The following CEP68 variants were observed in gnomAD, a reference collection of about 807,000 sequenced individuals.
CEP68 encodes centrosomal protein 68.
In CEP68, 26 loss-of-function variants were observed where a neutral mutation model predicts 55.3. That is an observed-to-expected ratio of 0.47 (90% CI 0.34 to 0.65). The LOEUF (loss-of-function observed/expected upper bound fraction) is 0.65, where lower values mean the gene tolerates loss of function less well. CEP68 is among the 30% of genes least tolerant of loss of function. CEP68 has a pLI of 0.01. For synonymous variants in CEP68, 402 were observed against 383.2 expected (o/e 1.05, Z -0.57); for missense variants, 957 against 946.7 (o/e 1.01, Z -0.14).
At chr2:65,071,049 G>T in intron 2 of CEP68, 1 of 221,244 alleles carries the variant, frequency 4.5e-6, no homozygotes, top group Non-Finnish European at 9.1e-6. Context: ...AGCAGGATGG[G>T]GTCTGGGGCG....
intron 2 of CEP68, chr2:65,071,244 G>C: frequency 1.7e-6 from 1 of 584,168 alleles, no homozygotes; most frequent in Non-Finnish European, 3.0e-6. Context: ...ACTGGAGATG[G>C]GAGTCATCTT....
At position 65,072,480 on chromosome 2, in the gene CEP68, C is replaced by T. The variant is rs35694840; in HGVS notation, c.1384C>T (p.Arg462Cys). The change falls in exon 3 of 7, where the codon CGC (arginine) becomes TGC (cysteine). Residue 462 changes from arginine to cysteine, a missense_variant. Transcript: ENST00000377990. ...GAAGAGGACCAGCCAGAGTGCCCGG[C>T]GCCCTACCTGCACAGAGTCTAGGTG... ...REKRTSQSAR[R>C]PTCTESRWKS... The T allele has an allele frequency of 1.2e-3, 1,933 of 1,614,018 alleles. 19 individuals are homozygous for T. In the African/African-American group the frequency reaches 0.022, roughly 19 times the overall value.
intron 1 of CEP68, among the ~76,000 whole-genome samples, chr2:65,056,850 CG>C (rs1333654459): frequency 3.7e-4 from 56 of 152,236 alleles, no homozygotes; most frequent in South Asian, 1.2e-3. Context: ...CGCGAGTCCG[CG>C]CATCTGGCGG....
At chr2:65,058,890 A>G (rs538927488) in intron 1 of CEP68, among the ~76,000 whole-genome samples, 1 of 152,106 alleles carries the variant, frequency 6.6e-6, no homozygotes, top group African/African-American at 2.4e-5. Flanking sequence ...TTATCTGTTT[A>G]TGTGTCTGGA....
rs1010034869 is a variant in CEP68 at position 65,072,211 on chromosome 2, A to G, written c.1115A>G (p.Glu372Gly). The change falls in exon 3 of 7, where the codon GAG becomes GGG. Residue 372 changes from glutamate (E) to glycine (G), a missense_variant. By Grantham distance (98) the Glu-to-Gly change is moderately conservative. Transcript: ENST00000377990. ...GCCCTGCCATTTTCTGGGCCCAGAGAGCCAAGCCTTAAGCAGTGGCCCTCC... is the reference window on the plus strand; with the variant it reads ...GCCCTGCCATTTTCTGGGCCCAGAGGGCCAAGCCTTAAGCAGTGGCCCTCC... ...ATALPFSGPR[E>G]PSLKQWPSRV... The G allele has an allele frequency of 1.2e-6, 2 of 1,613,896 alleles. No individual in the cohort carries two copies. Among genetic ancestry groups the G allele is most frequent in the Non-Finnish European group, 1.7e-6 (2 of 1,180,006 alleles).
intron 1 of CEP68, among the ~76,000 whole-genome samples, chr2:65,069,078 A>C (rs559883946): frequency 3.3e-4 from 51 of 152,278 alleles, no homozygotes; most frequent in African/African-American, 1.2e-3. Context: ...GGGTTGGGCT[A>C]AAAGGGCAAA....
chr2:65,059,055 A>G (rs183527714), intron 1 of CEP68, among the ~76,000 whole-genome samples: 4 of 152,290 alleles, frequency 2.6e-5, no homozygotes, highest in African/African-American at 9.6e-5. Flanking sequence ...TGGCTGACAA[A>G]AAATCTTTAC....
chr2:65,064,544 C>T (rs1286950842), intron 1 of CEP68, among the ~76,000 whole-genome samples: 1 of 152,062 alleles, frequency 6.6e-6, no homozygotes, highest in Non-Finnish European at 1.5e-5. Context: ...ACCATCCTGG[C>T]TAATGTGGTG....
intron 5 of CEP68, among the ~76,000 whole-genome samples, chr2:65,081,959 A>G (rs2103803804): frequency 6.6e-6 from 1 of 152,268 alleles, no homozygotes; most frequent in South Asian, 2.1e-4. Context: ...GGCCTCCCAA[A>G]GTGTTGTTGG....
rs1192403992 is a variant in CEP68 at position 65,084,507 on chromosome 2, C to T, written c.*873C>T. ...ATTCTTCGTTGCTTTGGCATTGACA[C>T]ATAAGTACTTTGATTAAAAAAAAAA... On this transcript the variant is annotated 3_prime_UTR_variant, in exon 7 of 7. Transcript: ENST00000377990. 1 of 132,156 alleles carries T rather than the reference C, an allele frequency of 7.6e-6. No homozygotes were observed. Among genetic ancestry groups the T allele is most frequent in the African/African-American group, 2.8e-5 (1 of 35,718 alleles). The allele number at this position is 132,156 out of a possible 1,614,324, so 8.2% of individuals were successfully genotyped here. A position where few individuals can be genotyped will look rare whatever the true frequency, so the allele number is the denominator to read the frequency against.
Position 65,082,698 on chromosome 2 carries a change from G to A in CEP68, c.2267G>A (p.Gly756Glu). The change falls in exon 6 of 7, where the codon GGG becomes GAG. Residue 756 changes from glycine (G) to glutamate (E), a missense_variant. Transcript: ENST00000377990. ...PMAAMEHPCE[G>E]V ...GCGGCAATGGAGCACCCATGTGAAG[G>A]GGTTTAACCTGGTAAGTGGAGGAAC... 6.4e-7 allele frequency: 1 copy of A among 1,570,524 alleles called. No homozygotes were observed. Among genetic ancestry groups the A allele is most frequent in the Non-Finnish European group, 8.6e-7 (1 of 1,165,670 alleles).
chr2:65,064,243 C>T (rs1676045705), intron 1 of CEP68, among the ~76,000 whole-genome samples: 1 of 152,164 alleles, frequency 6.6e-6, no homozygotes, highest in Non-Finnish European at 1.5e-5. Flanking sequence ...CCCTATCTCT[C>T]CAGGCTAAAT....
chr2:65,065,942 C>T (rs568166907), intron 1 of CEP68, among the ~76,000 whole-genome samples: 133 of 148,876 alleles, frequency 8.9e-4, no homozygotes, highest in African/African-American at 3.2e-3. Flanking sequence ...GGTGACAAAC[C>T]GAGACTTCAT....
At chr2:65,068,761 G>A (rs968789680) in intron 1 of CEP68, among the ~76,000 whole-genome samples, 2 of 152,134 alleles carry the variant, frequency 1.3e-5, no homozygotes, top group African/African-American at 2.4e-5. Context: ...CAGGGAGGTC[G>A]AGGCTGCAGT....
At chr2:65,081,163 A>C (rs1250956320) in intron 5 of CEP68, among the ~76,000 whole-genome samples, 3 of 151,122 alleles carry the variant, frequency 2.0e-5, no homozygotes, top group Non-Finnish European at 2.9e-5. Context: ...GTGAGCCGAG[A>C]TTTGTGCCGC....
intron 5 of CEP68, among the ~76,000 whole-genome samples, chr2:65,081,281 C>T (rs1677003777): frequency 6.6e-6 from 1 of 152,044 alleles, no homozygotes; most frequent in Non-Finnish European, 1.5e-5. Flanking sequence ...CTTTACCGTG[C>T]GCCTGACTGC....
At chr2:65,071,107 T>G in intron 2 of CEP68, 1 of 283,292 alleles carries the variant, frequency 3.5e-6, no homozygotes, top group South Asian at 4.8e-5. Context: ...TGATTGAGGG[T>G]TTCATCTGCC....
In CEP68 at chr2:65,082,593, C is replaced by T; in HGVS notation, c.2162C>T (p.Ala721Val). ...CAGTCTGGTGAGCTGGAGAGCCACG[C>T]AGATCGCCTGTATGACTCTATCTTG... ...AKQSGELESH[A>V]DRLYDSILAS... The change falls in exon 6 of 7, where the codon GCA (alanine) becomes GTA (valine). Residue 721 changes from alanine to valine, a missense_variant. Coordinates refer to ENST00000377990, the MANE Select transcript of CEP68 (RefSeq NM_015147.3). The T allele has an allele frequency of 6.2e-7, 1 of 1,609,284 alleles. No individual in the cohort carries two copies. The highest frequency in any genetic ancestry group is 1.1e-5 in the South Asian group (1 of 90,474).
intron 1 of CEP68, among the ~76,000 whole-genome samples, chr2:65,066,745 A>AAAATATATAT (rs70943620): frequency 2.1e-4 from 12 of 58,404 alleles, no homozygotes; most frequent in Non-Finnish European, 2.8e-4. Context: ...AAAAAAAAAA[A>AAAATATATAT]ATATATATAT....
Sources: gnomAD v4.1 joint callset for allele counts (sites outside exome capture counted in the v4.1 genomes callset) on GRCh38, gnomAD v4.1.1 for gene constraint, MANE v1.5 for transcripts, NCBI Gene and HGNC (gene_info 2026-07-23, HGNC 2026-07-21) for gene names.